The following AGBL3 variants were observed in gnomAD, a reference collection of about 807,000 sequenced individuals.
AGBL3 encodes AGBL carboxypeptidase 3, also known as cytosolic carboxypeptidase 3.
A neutral mutation model predicts 94.5 loss-of-function variants in AGBL3; 68 were observed. That is an observed-to-expected ratio of 0.72 (90% CI 0.59 to 0.88). The LOEUF is 0.88. Among genes scored for constraint, AGBL3 ranks in the 40% least tolerant of loss-of-function variants. The pLI is 0.00. For missense variants in AGBL3, 934 were observed against 1,103.8 expected, an observed-to-expected ratio of 0.85 and a Z score of 2.18; for synonymous variants, 354 against 370.7, an observed-to-expected ratio of 0.95 and a Z score of 0.52.
chr7:135,089,895 G>A (rs1166870392), intron 15 of AGBL3, among the ~76,000 whole-genome samples: 1 of 152,140 alleles, frequency 6.6e-6, no homozygotes, highest in East Asian at 1.9e-4. Context: ...AAACTATTGT[G>A]GTACCTGGGT....
At chr7:135,114,804 A>G (rs1826097674) in intron 15 of AGBL3, among the ~76,000 whole-genome samples, 1 of 152,176 alleles carries the variant, frequency 6.6e-6, no homozygotes, top group Admixed American at 6.5e-5. Context: ...ATCTTGTCCA[A>G]ACAAATCTCA....
intron 4 of AGBL3, among the ~76,000 whole-genome samples, chr7:135,007,904 T>G (rs1331680566): frequency 1.3e-5 from 2 of 152,000 alleles, no homozygotes; most frequent in Non-Finnish European, 2.9e-5. Context: ...ACTATTCAAT[T>G]TGCAAAAGAA....
rs1437163670 is a variant in AGBL3 at position 135,059,162 on chromosome 7, T to G, written c.1842-7T>G. 9 of 1,546,782 alleles carry G rather than the reference T, an allele frequency of 5.8e-6. No individual in the cohort carries two copies. Among genetic ancestry groups the G allele is most frequent in the Non-Finnish European group, 7.0e-6 (8 of 1,145,418 alleles). On this transcript the variant is annotated splice_region_variant and splice_polypyrimidine_tract_variant and intron_variant, in intron 11 of 16. Coordinates refer to ENST00000436302, the MANE Select transcript of AGBL3 (RefSeq NM_178563.4). ...CACTGTATAAACCAAAATTATTTTT[T>G]TTGTAGTAGCCGAGGCTCTGACAGT...
intron 10 of AGBL3, 43 bp from the exon 11 acceptor site, chr7:135,045,756 A>G: frequency 7.0e-7 from 1 of 1,437,258 alleles, no homozygotes; most frequent in Non-Finnish European, 9.5e-7. Context: ...TAATCAGGAA[A>G]TAAAGTTATT....
In AGBL3 at chr7:134,986,629, G is replaced by T; in HGVS notation, c.-132G>T. The T allele has an allele frequency of 6.6e-6, 1 of 152,480 alleles. No homozygotes were observed. Among genetic ancestry groups the T allele is most frequent in the Non-Finnish European group, 1.5e-5 (1 of 68,130 alleles). The allele number at this position is 152,480 out of a possible 1,614,324, so 9.4% of individuals were successfully genotyped here. On this transcript the variant is annotated 5_prime_UTR_variant, in exon 1 of 17. Coordinates refer to ENST00000436302, the MANE Select transcript of AGBL3 (RefSeq NM_178563.4). ...CGCGAGATCCCGAGATATTCTCCCC[G>T]CACGGAAGCGACGACTGGCCTGGCC... is the stretch of plus-strand genomic sequence containing the variant.
chr7:135,004,896 A>AT (rs539990084), intron 4 of AGBL3, among the ~76,000 whole-genome samples: 4 of 151,432 alleles, frequency 2.6e-5, no homozygotes, highest in East Asian at 1.9e-4. Flanking sequence ...AATAATATAA[A>AT]TTTTTTTTAT....
intron 1 of AGBL3, among the ~76,000 whole-genome samples, chr7:134,986,934 C>T (rs906365842): frequency 6.6e-6 from 1 of 152,266 alleles, no homozygotes; most frequent in Non-Finnish European, 1.5e-5. Context: ...ACCCGCGGAG[C>T]GCCGGTGGAT....
intron 16 of AGBL3, chr7:135,128,717 G>GA: frequency 5.8e-6 from 8 of 1,369,946 alleles, no homozygotes; most frequent in South Asian, 1.2e-5. Flanking sequence ...TTGATTCTCA[G>GA]AAAAAAAGTG....
rs997587339 is a variant in AGBL3 at position 135,013,772 on chromosome 7, C to A, written c.311-3280C>A. Among the ~76,000 whole-genome samples, 11 of 152,114 alleles carry A rather than the reference C, an allele frequency of 7.2e-5. 1 individual carries two copies. Among genetic ancestry groups the A allele is most frequent in the Middle Eastern group, 3.2e-3 (1 of 316 alleles). On this transcript the variant is annotated intron_variant, in intron 4 of 16. Transcript: ENST00000436302. The stretch of plus-strand genomic sequence containing the variant: ...TGAGCTCTGGATGACCACTGAGTCA[C>A]TGATTATACCATCCCTCGAATCCAC...
intron 15 of AGBL3, among the ~76,000 whole-genome samples, chr7:135,098,113 T>A (rs1174358844): frequency 6.6e-6 from 1 of 152,114 alleles, no homozygotes; most frequent in Non-Finnish European, 1.5e-5. Flanking sequence ...CCAAAATAGG[T>A]CTACAGATAC....
intron 12 of AGBL3, among the ~76,000 whole-genome samples, chr7:135,063,674 G>T (rs1166166245): frequency 6.6e-6 from 1 of 151,924 alleles, no homozygotes; most frequent in Non-Finnish European, 1.5e-5. Flanking sequence ...CCATGTTCTT[G>T]TGAATATGTC....
chr7:135,053,737 T>TA (rs1818092674), intron 11 of AGBL3, among the ~76,000 whole-genome samples: 1 of 152,188 alleles, frequency 6.6e-6, no homozygotes, highest in Non-Finnish European at 1.5e-5. Flanking sequence ...TCCTGAGACC[T>TA]AAAAAATGAT....
intron 8 of AGBL3, among the ~76,000 whole-genome samples, chr7:135,038,419 A>G (rs1406379714): frequency 1.3e-5 from 2 of 152,256 alleles, no homozygotes; most frequent in African/African-American, 4.8e-5. Context: ...TATACTGTCA[A>G]TACTCTTAGG....
In AGBL3 at chr7:135,037,541, A is replaced by G. The variant is rs1584910864; in HGVS notation, c.1461A>G (p.Arg487=). 6.5e-7 allele frequency: 1 copy of G among 1,544,676 alleles called. No homozygotes were observed. Among genetic ancestry groups the G allele is most frequent in the East Asian group, 2.5e-5 (1 of 40,314 alleles). The change falls in exon 8 of 17, where the codon CGA becomes CGG. Residue 487 remains arginine (R), a synonymous_variant. Transcript: ENST00000436302. ...DRSKTLYLQQ[R]IFPLMLSKNC... ...CTAAGACATTATACTTACAGCAACG[A>G]ATCTTCCCACTTATGCTAAGCAAAA... is the stretch of plus-strand genomic sequence containing the variant.
chr7:135,018,104 G>A (rs1439583780), intron 5 of AGBL3, among the ~76,000 whole-genome samples: 2 of 152,180 alleles, frequency 1.3e-5, no homozygotes, highest in Non-Finnish European at 2.9e-5. Flanking sequence ...GGTAGACAGA[G>A]TTAATTGAGA....
At chr7:135,023,071 T>C (rs987699807) in intron 5 of AGBL3, among the ~76,000 whole-genome samples, 1 of 152,222 alleles carries the variant, frequency 6.6e-6, no homozygotes, top group African/African-American at 2.4e-5. Context: ...CAAATAATGT[T>C]ATACCACTTC....
At chr7:135,059,807 ATACT>A (rs1465117116) in intron 12 of AGBL3, among the ~76,000 whole-genome samples, 1 of 152,242 alleles carries the variant, frequency 6.6e-6, no homozygotes, top group Non-Finnish European at 1.5e-5. Flanking sequence ...TGAAAGATAA[ATACT>A]TAAGTAAGAA....
At chr7:135,066,940 T>C (rs866785645) in intron 12 of AGBL3, among the ~76,000 whole-genome samples, 8 of 152,196 alleles carry the variant, frequency 5.3e-5, no homozygotes, top group Admixed American at 2.6e-4. Context: ...GGGCGAGGCA[T>C]TGCCTCACCC....
intron 11 of AGBL3, among the ~76,000 whole-genome samples, chr7:135,054,672 T>C (rs1818179776): frequency 6.6e-6 from 1 of 152,214 alleles, no homozygotes; most frequent in African/African-American, 2.4e-5. Flanking sequence ...TAATGGTAGA[T>C]AATTAAAATA....
Sources: allele counts gnomAD v4.1 joint callset (sites outside exome capture counted in the v4.1 genomes callset), GRCh38; gene constraint gnomAD v4.1.1; transcripts MANE v1.5; gene names NCBI Gene and HGNC (gene_info 2026-07-23, HGNC 2026-07-21).